The following SLC25A20 variants were observed in gnomAD, a reference collection of about 807,000 sequenced individuals.
SLC25A20 encodes mitochondrial carnitine/acylcarnitine carrier protein.
A neutral mutation model predicts 39.7 loss-of-function variants in SLC25A20; 29 were observed. The observed-to-expected ratio is 0.73, with a 90% confidence interval of 0.54 to 1.00. The LOEUF (loss-of-function observed/expected upper bound fraction) is 1.00. SLC25A20 is among the 50% of genes least tolerant of loss of function. SLC25A20 has a pLI of 0.00. For missense variants in SLC25A20, 333 were observed against 379.9 expected, an observed-to-expected ratio of 0.88 and a Z score of 1.03; for synonymous variants, 103 against 142.2, an observed-to-expected ratio of 0.72 and a Z score of 1.96.
At chr3:48,858,994 G>T in intron 7 of SLC25A20, 98 bp downstream of exon 7, 1 of 919,722 alleles carries the variant, frequency 1.1e-6, no homozygotes, top group Non-Finnish European at 1.8e-6. Flanking sequence ...CTGCCATGGA[G>T]AGTGAGTATC....
intron 2 of SLC25A20, among the ~76,000 whole-genome samples, chr3:48,886,605 AAAC>A (rs1171854921): frequency 2.6e-5 from 4 of 152,202 alleles, no homozygotes; most frequent in Admixed American, 2.0e-4. Flanking sequence ...GAAACAGCAT[AAAC>A]AACTGAAAAA....
intron 3 of SLC25A20, among the ~76,000 whole-genome samples, chr3:48,880,090 G>T (rs537783851): frequency 6.6e-6 from 1 of 152,134 alleles, no homozygotes; most frequent in African/African-American, 2.4e-5. Flanking sequence ...ACCCAGGCAG[G>T]CATGACAGGT....
intron 1 of SLC25A20, among the ~76,000 whole-genome samples, chr3:48,895,439 C>G (rs564000484): frequency 4.4e-4 from 67 of 152,222 alleles, no homozygotes; most frequent in Non-Finnish European, 8.8e-4. Flanking sequence ...GCGCCCAGCC[C>G]TTCCTGGATG....
intron 2 of SLC25A20, among the ~76,000 whole-genome samples, chr3:48,891,122 G>A (rs2083872841): frequency 6.6e-6 from 1 of 151,740 alleles, no homozygotes; most frequent in African/African-American, 2.4e-5. Context: ...GAAAACATCC[G>A]CTAAGCCCCG....
intron 4 of SLC25A20, among the ~76,000 whole-genome samples, chr3:48,873,439 T>TC (rs1161880186): frequency 1.4e-5 from 2 of 146,840 alleles, no homozygotes; most frequent in African/African-American, 5.1e-5. Flanking sequence ...TGAAACCCCG[T>TC]CTCTACTGCA....
chr3:48,858,371 T>C, intron 8 of SLC25A20, 136 bp downstream of exon 8: 1 of 1,296,358 alleles, frequency 7.7e-7, no homozygotes, highest in Non-Finnish European at 1.1e-6. Context: ...AGGGAGCAAA[T>C]AAGGAATGCT....
At chr3:48,891,355 G>A (rs545029772) in intron 2 of SLC25A20, among the ~76,000 whole-genome samples, 2 of 152,222 alleles carry the variant, frequency 1.3e-5, no homozygotes, top group African/African-American at 4.8e-5. Context: ...GATTATAGGC[G>A]TAAGCCACCA....
intron 4 of SLC25A20, among the ~76,000 whole-genome samples, chr3:48,869,675 G>A (rs1345768287): frequency 6.6e-6 from 1 of 151,992 alleles, no homozygotes; most frequent in Non-Finnish European, 1.5e-5. Flanking sequence ...AAGTTAGCCA[G>A]GCCGGGTGAC....
chr3:48,885,774 C>CAAAATTCCAT (rs1327044082), intron 2 of SLC25A20, among the ~76,000 whole-genome samples: 49 of 152,194 alleles, frequency 3.2e-4, no homozygotes, highest in African/African-American at 1.1e-3. Context: ...TGTACTCCAG[C>CAAAATTCCAT]CTGGCAACAC....
rs541649106 is a variant in SLC25A20, at chr3:48,875,771, C to T, written c.417+3587G>A. Among the ~76,000 whole-genome samples, 5 of 152,238 alleles carry T rather than the reference C, an allele frequency of 3.3e-5. No homozygotes were observed. The South Asian group carries it at 6.2e-4, about 19-fold the overall frequency. ...ATGGCTCATGCCTGTAATCCCAGCA[C>T]GTTGGGAGGCCAAGGCAGACAGATC... On this transcript the variant is annotated intron_variant, in intron 4 of 8. Coordinates refer to ENST00000319017, the MANE Select transcript of SLC25A20 (RefSeq NM_000387.6).
At chr3:48,893,978 T>C (rs1210774656) in intron 1 of SLC25A20, among the ~76,000 whole-genome samples, 1 of 150,336 alleles carries the variant, frequency 6.7e-6, no homozygotes, top group Non-Finnish European at 1.5e-5. Context: ...ATGGCCAACA[T>C]GGCAAAACCC....
At chr3:48,879,527 AGTTTTGT>A in intron 3 of SLC25A20, 79 bp from the exon 4 acceptor site, 2 of 931,208 alleles carry the variant, frequency 2.1e-6, no homozygotes, top group African/African-American at 3.2e-5. Flanking sequence ...CAAAGAGGAC[AGTTTTGT>A]AAGAAAAAAA....
At chr3:48,886,319 GT>G (rs2083828533) in intron 2 of SLC25A20, among the ~76,000 whole-genome samples, 1 of 152,132 alleles carries the variant, frequency 6.6e-6, no homozygotes, top group South Asian at 2.1e-4. Flanking sequence ...GAGGTCGGGA[GT>G]TCGAGACCAG....
Position 48,859,161 on chromosome 3 carries a change from C to A in SLC25A20, c.649G>T (p.Gly217Cys). The A allele has an allele frequency of 6.2e-7, 1 of 1,614,048 alleles. No individual in the cohort carries two copies. Among genetic ancestry groups the A allele is most frequent in the African/African-American group, 1.3e-5 (1 of 75,026 alleles). ...GCCCAGTTGAAGATCCCTGCAATGC[C>A]CCCAGCCACCAAGATCCGAGGGGCA... is the stretch of plus-strand genomic sequence containing the variant. ...LSAPRILVAG[G>C]IAGIFNWAVA... The change falls in exon 7 of 9, where the codon GGC becomes TGC. Residue 217 changes from glycine to cysteine, a missense_variant. Gly to Cys is a radical substitution (Grantham distance 159, BLOSUM62 -3). Transcript: ENST00000319017.
intron 1 of SLC25A20, among the ~76,000 whole-genome samples, chr3:48,896,930 C>T (rs991039836): frequency 2.0e-5 from 3 of 152,038 alleles, no homozygotes; most frequent in Admixed American, 1.3e-4. Context: ...CTGAACTCAC[C>T]CAGCACTTGA....
chr3:48,858,949 G>A (rs1424854183), intron 7 of SLC25A20, 143 bp downstream of exon 7: 3 of 729,728 alleles, frequency 4.1e-6, no homozygotes, highest in Admixed American at 2.2e-5. Flanking sequence ...GCAAATGACT[G>A]TGAGGGAGAA....
intron 4 of SLC25A20, among the ~76,000 whole-genome samples, 188 bp downstream of exon 4, chr3:48,879,170 C>T (rs1258972372): frequency 1.3e-5 from 2 of 152,056 alleles, no homozygotes; most frequent in Non-Finnish European, 2.9e-5. Flanking sequence ...GCACCTGGCC[C>T]CCAGGCTGGT....
intron 4 of SLC25A20, among the ~76,000 whole-genome samples, chr3:48,877,988 C>A (rs1190961458): frequency 6.6e-6 from 1 of 152,086 alleles, no homozygotes; most frequent in East Asian, 1.9e-4. Context: ...ATAGTCCAGG[C>A]GCGGTGGCTT....
At chr3:48,858,659 C>T (rs1478956722) in intron 7 of SLC25A20, 28 bp from the exon 8 acceptor site, 1 of 1,613,916 alleles carries the variant, frequency 6.2e-7, no homozygotes, top group Non-Finnish European at 8.5e-7. Context: ...ATTTTTAAGG[C>T]TTCAGGAAGG....
Sources: gnomAD v4.1 joint callset for allele counts (sites outside exome capture counted in the v4.1 genomes callset) on GRCh38, gnomAD v4.1.1 for gene constraint, MANE v1.5 for transcripts, NCBI Gene and HGNC (gene_info 2026-07-23, HGNC 2026-07-21) for gene names.